RAB3C: variants seen among roughly 807,000 people sequenced by gnomAD.
The protein encoded by RAB3C is ras-related protein Rab-3C.
RAB3C carries 17 observed loss-of-function variants against 26.4 expected under a neutral mutation model. That is an observed-to-expected ratio of 0.64 (90% CI 0.44 to 0.97). The LOEUF is 0.97. Ranked by LOEUF, RAB3C falls within the 50% of genes least tolerant of loss-of-function variation. The pLI, the probability that RAB3C is intolerant of heterozygous loss-of-function variation, is 0.00. For synonymous variants in RAB3C, 91 were observed against 95.9 expected (o/e 0.95, Z 0.30); for missense variants, 242 against 281.9 (o/e 0.86, Z 1.01).
At chr5:58,632,056 T>G (rs775239098) in intron 2 of RAB3C, among the ~76,000 whole-genome samples, 2 of 152,202 alleles carry the variant, frequency 1.3e-5, no homozygotes, top group Non-Finnish European at 1.5e-5. Flanking sequence ...GCTGAGACCT[T>G]TCAGCCTGGC....
At chr5:58,670,040 A>G (rs1321198708) in intron 2 of RAB3C, among the ~76,000 whole-genome samples, 1 of 152,172 alleles carries the variant, frequency 6.6e-6, no homozygotes, top group East Asian at 1.9e-4. Flanking sequence ...GCACGTGTCT[A>G]TAAATCATTC....
At chr5:58,830,704 C>T (rs185008314) in intron 4 of RAB3C, among the ~76,000 whole-genome samples, 25 of 152,250 alleles carry the variant, frequency 1.6e-4, no homozygotes, top group East Asian at 1.2e-3. Context: ...TGAAATCATA[C>T]GGTGGTGGAA....
chr5:58,827,365 C>G (rs1305285267), intron 4 of RAB3C, among the ~76,000 whole-genome samples: 3 of 152,146 alleles, frequency 2.0e-5, no homozygotes, highest in African/African-American at 7.2e-5. Flanking sequence ...AAAATGAAAA[C>G]TGTTTGGTTA....
At chr5:58,824,531 C>T (rs1488343532) in intron 3 of RAB3C, among the ~76,000 whole-genome samples, 1 of 152,058 alleles carries the variant, frequency 6.6e-6, no homozygotes, top group African/African-American at 2.4e-5. Flanking sequence ...ATTACTTCTC[C>T]CAGATTTCCT....
intron 3 of RAB3C, among the ~76,000 whole-genome samples, chr5:58,803,594 G>A (rs928007539): frequency 1.1e-4 from 16 of 152,076 alleles, no homozygotes; most frequent in African/African-American, 3.9e-4. Context: ...CAAATCATCC[G>A]GGACTTTGTT....
chr5:58,711,370 A>G (rs1201454307), intron 2 of RAB3C, among the ~76,000 whole-genome samples: 1 of 152,174 alleles, frequency 6.6e-6, no homozygotes, highest in Non-Finnish European at 1.5e-5. Context: ...TACACTTTAC[A>G]GAGAACTTTT....
chr5:58,809,164 G>A (rs549769125), intron 3 of RAB3C, among the ~76,000 whole-genome samples: 13 of 152,246 alleles, frequency 8.5e-5, no homozygotes, highest in South Asian at 6.2e-4. Context: ...TCAAATTCTC[G>A]TGTAAAATAC....
rs972646701 is a variant in RAB3C, at chr5:58,672,542, A to G, written c.253-53460A>G. On this transcript the variant is annotated intron_variant, in intron 2 of 4. Coordinates refer to ENST00000282878, the MANE Select transcript of RAB3C (RefSeq NM_138453.4). ...TCAGTCTAAAATTATGTGAGGAATT[A>G]AACTCTGAAAGGTGTCTTTGTCGTG... 2.0e-5 allele frequency among the ~76,000 whole-genome samples: 3 copies of G among 152,202 alleles called. 1 individual carries two copies. In the South Asian group the frequency reaches 6.2e-4, roughly 31 times the overall value.
chr5:58,709,663 A>G (rs73102331), intron 2 of RAB3C, among the ~76,000 whole-genome samples: 8,897 of 152,222 alleles, frequency 0.058, 868 homozygotes, highest in African/African-American at 0.2. Flanking sequence ...ATTGTTTTCC[A>G]TAGGTGCATC....
intron 3 of RAB3C, among the ~76,000 whole-genome samples, chr5:58,766,028 C>T (rs10073306): frequency 0.13 from 20,515 of 152,120 alleles, 1,467 homozygotes; most frequent in Non-Finnish European, 0.17. Context: ...GCATTTCCTC[C>T]GCATGATGCT....
At chr5:58,611,568 T>A (rs967480861) in intron 1 of RAB3C, among the ~76,000 whole-genome samples, 1 of 152,192 alleles carries the variant, frequency 6.6e-6, no homozygotes, top group African/African-American at 2.4e-5. Context: ...ACCTACTTTT[T>A]AATGGAGTTT....
intron 2 of RAB3C, among the ~76,000 whole-genome samples, chr5:58,677,839 G>A (rs1211903649): frequency 2.0e-5 from 3 of 152,140 alleles, no homozygotes; most frequent in African/African-American, 7.2e-5. Flanking sequence ...AACATTTTCT[G>A]TTTATTGAAG....
intron 3 of RAB3C, among the ~76,000 whole-genome samples, chr5:58,806,122 G>A (rs1742934393): frequency 6.6e-6 from 1 of 152,158 alleles, no homozygotes. Context: ...GAAGGGTGCT[G>A]ACATTGAAAC....
Position 58,678,853 on chromosome 5 carries a change from C to A in RAB3C, c.253-47149C>A, listed in dbSNP as rs528089182. Among the ~76,000 whole-genome samples, 6 of 152,258 alleles carry A rather than the reference C, an allele frequency of 3.9e-5. No individual in the cohort carries two copies. The South Asian group carries it at 1.2e-3, about 32-fold the overall frequency. ...ATTGACTAAAAGGGCATATTCTAAT[C>A]TTTTACTATCTTTGCTGGATGTAGG... On this transcript the variant is annotated intron_variant, in intron 2 of 4. Transcript: ENST00000282878.
At chr5:58,633,264 A>G (rs911211402) in intron 2 of RAB3C, among the ~76,000 whole-genome samples, 2 of 152,210 alleles carry the variant, frequency 1.3e-5, no homozygotes, top group African/African-American at 4.8e-5. Context: ...TTTTAGAATG[A>G]GGGCAGAAGA....
At chr5:58,585,469 T>C (rs1354896930) in intron 1 of RAB3C, among the ~76,000 whole-genome samples, 1 of 152,040 alleles carries the variant, frequency 6.6e-6, no homozygotes, top group Non-Finnish European at 1.5e-5. Context: ...CTTAGGTCTG[T>C]AGAAGATGAC....
At chr5:58,798,897 A>G (rs938941249) in intron 3 of RAB3C, among the ~76,000 whole-genome samples, 2 of 152,340 alleles carry the variant, frequency 1.3e-5, no homozygotes, top group South Asian at 4.1e-4. Context: ...ACTTGCCACA[A>G]CTAGCTTGGA....
intron 4 of RAB3C, among the ~76,000 whole-genome samples, chr5:58,830,661 C>T (rs989900095): frequency 6.6e-6 from 1 of 152,172 alleles, no homozygotes; most frequent in African/African-American, 2.4e-5. Context: ...ACTGCCAACC[C>T]AGGTAAGGGA....
At chr5:58,754,347 T>C (rs543384704) in intron 3 of RAB3C, among the ~76,000 whole-genome samples, 1 of 133,194 alleles carries the variant, frequency 7.5e-6, no homozygotes, top group African/African-American at 2.5e-5. Flanking sequence ...AAGGGCACGC[T>C]CCTTACTTTG....
Sources: allele counts gnomAD v4.1 joint callset (sites outside exome capture counted in the v4.1 genomes callset), GRCh38; gene constraint gnomAD v4.1.1; transcripts MANE v1.5; gene names NCBI Gene and HGNC (gene_info 2026-07-23, HGNC 2026-07-21).